A2ML1: variants seen among roughly 807,000 people sequenced by gnomAD.
The protein encoded by A2ML1 is alpha-2-macroglobulin-like protein 1.
A neutral mutation model predicts 181.9 loss-of-function variants in A2ML1; 161 were observed. That is an observed-to-expected ratio of 0.89 (90% CI 0.78 to 1.01). A2ML1 has a LOEUF of 1.01. Among genes scored for constraint, A2ML1 ranks in the 50% least tolerant of loss-of-function variants. The probability of loss-of-function intolerance (pLI) is 0.00; values close to 1 mark genes in which losing one functional copy is unlikely to be tolerated. For synonymous variants in A2ML1, 663 were observed against 666.8 expected (o/e 0.99, Z 0.09); for missense variants, 1,670 against 1,768.1 (o/e 0.94, Z 1.00).
chr12:8,833,518 T>TC, intron 4 of A2ML1, among the ~76,000 whole-genome samples: 1 of 152,148 alleles, frequency 6.6e-6, no homozygotes, highest in Non-Finnish European at 1.5e-5. Context: ...TGCCTCAGCC[T>TC]CCGGAGTAGC....
rs2136894252 is a variant in A2ML1 at position 8,854,194 on chromosome 12, G to T, written c.2657G>T (p.Gly886Val). The T allele has an allele frequency of 6.2e-7, 1 of 1,609,440 alleles. No individual in the cohort carries two copies. The highest frequency in any genetic ancestry group is 1.7e-5 in the Admixed American group (1 of 59,680). Residue 886 changes from glycine to valine, a missense_variant, in exon 21 of 36, where the codon GGG becomes GTG. Coordinates refer to ENST00000299698, the MANE Select transcript of A2ML1 (RefSeq NM_144670.6). The stretch of plus-strand genomic sequence containing the variant: ...AATGAACCATGTGGGGGCCAGAAGG[G>T]GTTTGTTCCCCAAAAGGGCCGAAGT... ...DSNEPCGGQK[G>V]FVPQKGRSDT...
At chr12:8,823,684 C>T (rs765622003) in intron 2 of A2ML1, 36 bp from the exon 3 acceptor site, 1 of 1,600,702 alleles carries the variant, frequency 6.2e-7, no homozygotes, top group Non-Finnish European at 8.5e-7. Context: ...TCCCCCAATC[C>T]CTTACCCCTC....
At chr12:8,874,620 A>C (rs933571285) in intron 34 of A2ML1, 93 bp downstream of exon 34, 2 of 960,198 alleles carry the variant, frequency 2.1e-6, no homozygotes, top group East Asian at 5.1e-5. Context: ...TCTTAATTTT[A>C]CAAATACTCC....
chr12:8,868,284 A>C lies in A2ML1; in HGVS notation c.3988A>C (p.Ser1330Arg). ...CACAAATATGAAGACCTTTAGTCTT[A>C]GTGTGGAAATAGGAAAAGCTAGATG... is the stretch of plus-strand genomic sequence containing the variant. ...PPTNMKTFSL[S>R]VEIGKARCEQ... The change falls in exon 31 of 36, where the codon AGT becomes CGT. Residue 1330 changes from serine (S) to arginine (R), a missense_variant. Ser to Arg is a moderately radical substitution (Grantham distance 110, BLOSUM62 -1). Coordinates refer to ENST00000299698, the MANE Select transcript of A2ML1 (RefSeq NM_144670.6). The C allele has an allele frequency of 1.9e-6, 3 of 1,613,978 alleles. No homozygotes were observed. In the African/African-American group the frequency reaches 4.0e-5, roughly 22 times the overall value.
intron 9 of A2ML1, among the ~76,000 whole-genome samples, chr12:8,838,902 G>C (rs56766736): frequency 7.1e-6 from 1 of 141,710 alleles, no homozygotes; most frequent in Non-Finnish European, 1.5e-5. Flanking sequence ...GCAACAGAGC[G>C]AGACTCCATC....
chr12:8,864,234 C>A (rs1405505274), intron 29 of A2ML1, among the ~76,000 whole-genome samples: 1 of 148,008 alleles, frequency 6.8e-6, no homozygotes, highest in Non-Finnish European at 1.5e-5. Context: ...ACATTGGGGC[C>A]GGGCATGGTG....
At chr12:8,873,150 T>C (rs917163873) in intron 33 of A2ML1, among the ~76,000 whole-genome samples, 3 of 152,164 alleles carry the variant, frequency 2.0e-5, no homozygotes, top group Non-Finnish European at 4.4e-5. Context: ...GGGAGGTCCC[T>C]CGACCACACT....
At chr12:8,842,250 C>G (rs1007854552) in intron 11 of A2ML1, among the ~76,000 whole-genome samples, 1 of 150,772 alleles carries the variant, frequency 6.6e-6, no homozygotes, top group Non-Finnish European at 1.5e-5. Flanking sequence ...CAGAGTCTCA[C>G]TCTGTCACCC....
chr12:8,885,580 C>T lies in A2ML1; in HGVS notation c.*95-927C>T, dbSNP rs1944914366. Among the ~76,000 whole-genome samples the T allele has an allele frequency of 3.9e-5, 6 of 152,192 alleles. No homozygotes were observed. In the South Asian group the frequency reaches 1.2e-3, roughly 32 times the overall value. On this transcript the variant is annotated intron_variant and NMD_transcript_variant, in intron 7 of 7. Coordinates refer to the A2ML1 transcript ENST00000537475. ...TCAAGCAATCCTCCCACCTCAGCCT[C>T]CTGAATAGCTGGGACCACAGGAGGC...
chr12:8,869,098 G>T (rs1326173324), intron 32 of A2ML1, 37 bp from the exon 33 acceptor site: 1 of 1,607,000 alleles, frequency 6.2e-7, no homozygotes, highest in Admixed American at 1.7e-5. Context: ...GAAGGCTCTG[G>T]CTCTTAGTAT....
intron 10 of A2ML1, 116 bp from the exon 11 acceptor site, chr12:8,841,253 A>T: frequency 1.2e-6 from 1 of 867,390 alleles, no homozygotes; most frequent in African/African-American, 1.7e-5. Flanking sequence ...AAATTCTGTT[A>T]TTACTTTTAG....
At position 8,868,557 on chromosome 12, in the gene A2ML1, C is replaced by T; in HGVS notation, c.4082C>T (p.Ser1361Phe). Reference sequence around the variant, plus strand: ...CTCAGTTATGTGGGGAGCCGTAGCTCTTCCAATATGGCTATTGTGGAAGTG... The same window carrying T: ...CTCAGTTATGTGGGGAGCCGTAGCTTTTCCAATATGGCTATTGTGGAAGTG... The part of the protein sequence containing the change: ...IHTSYVGSRS[S>F]SNMAIVEVKM... Residue 1361 changes from serine (S) to phenylalanine (F), a missense_variant, in exon 32 of 36, where the codon TCT becomes TTT. By Grantham distance (155) the Ser-to-Phe change is radical. Coordinates refer to ENST00000299698, the MANE Select transcript of A2ML1 (RefSeq NM_144670.6). 1 of 1,613,944 alleles carries T rather than the reference C, an allele frequency of 6.2e-7. No homozygotes were observed. Among genetic ancestry groups the T allele is most frequent in the Non-Finnish European group, 8.5e-7 (1 of 1,180,020 alleles).
chr12:8,880,594 A>G (rs1455404877), downstream of A2ML1: 1 of 152,138 alleles, frequency 6.6e-6, no homozygotes, highest in Non-Finnish European at 1.5e-5. Flanking sequence ...GAAACCATTT[A>G]GGAGACTGCT....
intron 10 of A2ML1, 38 bp downstream of exon 10, chr12:8,839,260 C>A: frequency 6.7e-7 from 1 of 1,486,326 alleles, no homozygotes; most frequent in Non-Finnish European, 9.4e-7. Context: ...CAAAAAAATG[C>A]ATAACCATCT....
intron 7 of A2ML1, among the ~76,000 whole-genome samples, chr12:8,884,360 T>TC (rs1166218222): frequency 1.3e-5 from 2 of 151,818 alleles, no homozygotes; most frequent in Non-Finnish European, 2.9e-5. Context: ...ACAGATTATT[T>TC]CATCACCTAG....
chr12:8,831,248 G>T (rs1301929385), intron 4 of A2ML1, among the ~76,000 whole-genome samples: 1 of 152,062 alleles, frequency 6.6e-6, no homozygotes, highest in Non-Finnish European at 1.5e-5. Context: ...CACTGCACCC[G>T]GCCTGAGTGC....
At chr12:8,831,386 C>T (rs1262101413) in intron 4 of A2ML1, among the ~76,000 whole-genome samples, 1 of 152,176 alleles carries the variant, frequency 6.6e-6, no homozygotes, top group African/African-American at 2.4e-5. Flanking sequence ...ACCCCTGTTA[C>T]GATTCAAATG....
chr12:8,847,534 C>T lies in A2ML1; in HGVS notation c.1684-15C>T. 1.2e-6 allele frequency: 2 copies of T among 1,600,888 alleles called. No homozygotes were observed. Among genetic ancestry groups the T allele is most frequent in the Non-Finnish European group, 1.7e-6 (2 of 1,174,604 alleles). On this transcript the variant is annotated splice_polypyrimidine_tract_variant and intron_variant, in intron 14 of 35. Coordinates refer to ENST00000299698, the MANE Select transcript of A2ML1 (RefSeq NM_144670.6). ...GGCTGACCTGATCCCCAAGTTATACCTTTCCCTTCCCCAGGTTTCCCTTGG... is the reference window on the plus strand; with the variant it reads ...GGCTGACCTGATCCCCAAGTTATACTTTTCCCTTCCCCAGGTTTCCCTTGG...
intron 14 of A2ML1, among the ~76,000 whole-genome samples, chr12:8,846,720 A>C (rs1388005098): frequency 6.6e-6 from 1 of 151,666 alleles, no homozygotes; most frequent in Non-Finnish European, 1.5e-5. Context: ...CTGAGGCAGG[A>C]GAATTGCATG....
Sources: gnomAD v4.1 joint callset for allele counts (sites outside exome capture counted in the v4.1 genomes callset) on GRCh38, gnomAD v4.1.1 for gene constraint, MANE v1.5 for transcripts, NCBI Gene and HGNC (gene_info 2026-07-23, HGNC 2026-07-21) for gene names.